The following TTLL8 variants were observed in gnomAD, a reference collection of about 807,000 sequenced individuals.
The protein encoded by TTLL8 is tubulin tyrosine ligase like 8.
A neutral mutation model predicts 77.8 loss-of-function variants in TTLL8; 65 were observed. The ratio of observed to expected loss-of-function variants is 0.84; its 90% CI spans 0.68 to 1.03. The LOEUF (loss-of-function observed/expected upper bound fraction) is 1.03. Ranked by LOEUF, TTLL8 falls within the 50% of genes least tolerant of loss-of-function variation. The pLI is 0.00. For synonymous variants in TTLL8, 402 were observed against 422.8 expected, an observed-to-expected ratio of 0.95 and a Z score of 0.60; for missense variants, 910 against 1,004.5, an observed-to-expected ratio of 0.91 and a Z score of 1.27.
At chr22:50,035,924 T>C (rs1160257728) in intron 8 of TTLL8, among the ~76,000 whole-genome samples, 1 of 152,238 alleles carries the variant, frequency 6.6e-6, no homozygotes, top group Non-Finnish European at 1.5e-5. Flanking sequence ...CCCACAAGTG[T>C]ACGCGCCACT....
rs377269305 is a variant in TTLL8, at chr22:50,031,788, C to T, written c.1605G>A (p.Thr535=). The T allele has an allele frequency of 4.6e-4, 635 of 1,366,614 alleles. 7 individuals carry two copies. In the South Asian group the frequency reaches 6.1e-3, roughly 13 times the overall value. The allele number at this position is 1,366,614 out of a possible 1,614,324, so 84.7% of individuals were successfully genotyped here. A position where few individuals can be genotyped will look rare whatever the true frequency, so the allele number is the denominator to read the frequency against. ...GTGCACACAGCTGGGCCGTGACCGGCGTGGACGGGTGCATGGTGGGGCTGG... is the reference window on the plus strand; with the variant it reads ...GTGCACACAGCTGGGCCGTGACCGGTGTGGACGGGTGCATGGTGGGGCTGG... The change falls in exon 11 of 14, where the codon ACG becomes ACA. Residue 535 remains threonine (T), a synonymous_variant. Coordinates refer to ENST00000266182, the Ensembl canonical transcript of TTLL8.
At chr22:50,021,485 C>CG (rs1569217960) in intron 12 of TTLL8, among the ~76,000 whole-genome samples, 4 of 130,960 alleles carry the variant, frequency 3.1e-5, no homozygotes, top group Non-Finnish European at 6.4e-5. Flanking sequence ...CTCCATCTGA[C>CG]ATGCACTCCT....
At chr22:50,030,950 T>C (rs769589598) in intron 11 of TTLL8, 25 bp from the exon 13 acceptor site, 18 of 1,307,640 alleles carry the variant, frequency 1.4e-5, no homozygotes, top group Non-Finnish European at 1.8e-5. Context: ...CAGGTTGGGG[T>C]GCTGGGCTGT....
intron 12 of TTLL8, among the ~76,000 whole-genome samples, chr22:50,027,031 C>T (rs928239228): frequency 3.3e-5 from 5 of 149,906 alleles, no homozygotes; most frequent in East Asian, 2.0e-4. Flanking sequence ...GTCAGGAGTT[C>T]GAGATTAGCC....
chr22:50,048,115 A>AGTGTGTGTGTGTGTGTGT (rs34500180), intron 3 of TTLL8, among the ~76,000 whole-genome samples: 1 of 145,640 alleles, frequency 6.9e-6, no homozygotes, highest in Non-Finnish European at 1.5e-5. Flanking sequence ...CCCCCAAAAA[A>AGTGTGTGTGTGTGTGTGT]GTGTGTGTGT....
chr22:50,056,359 G>A (rs888989582), upstream of TTLL8, among the ~76,000 whole-genome samples: 20 of 151,934 alleles, frequency 1.3e-4, no homozygotes, highest in African/African-American at 3.4e-4. This position sits in a 1 kb window ranked among gnomAD's most constrained non-coding sequence, Gnocchi z 4.1. Flanking sequence ...CCACACACCC[G>A]AGTGCCTGAA....
intron 12 of TTLL8, among the ~76,000 whole-genome samples, chr22:50,023,684 A>AAAATAAATAAAT (rs56403599): frequency 7.6e-4 from 114 of 149,518 alleles, no homozygotes; most frequent in African/African-American, 2.7e-3. Context: ...ACTCCGTCTC[A>AAAATAAATAAAT]AAATAAATAA....
chr22:50,020,326 C>T (rs974707459), intron 12 of TTLL8, among the ~76,000 whole-genome samples: 26 of 144,796 alleles, frequency 1.8e-4, no homozygotes, highest in Admixed American at 1.0e-3. Context: ...CTCCATCTGA[C>T]GTGCACACCT....
At chr22:50,047,139 C>G (rs1404867669) in intron 4 of TTLL8, 29 bp downstream of exon 6, 2 of 1,365,882 alleles carry the variant, frequency 1.5e-6, no homozygotes, top group Non-Finnish European at 2.0e-6. Flanking sequence ...CTTGCCGGCT[C>G]CCGCCACGCT....
At chr22:50,031,447 TCCGC>T (rs2061291467) in intron 11 of TTLL8, among the ~76,000 whole-genome samples, 1 of 152,100 alleles carries the variant, frequency 6.6e-6, no homozygotes, top group African/African-American at 2.4e-5. Flanking sequence ...GCGGGGCCGC[TCCGC>T]CCGCACGCCT....
chr22:50,028,316 A>T (rs1569220896), intron 12 of TTLL8, among the ~76,000 whole-genome samples: 1 of 152,246 alleles, frequency 6.6e-6, no homozygotes, highest in Non-Finnish European at 1.5e-5. Context: ...TTTGGTCGGC[A>T]ACATTGCTTA....
intron 12 of TTLL8, among the ~76,000 whole-genome samples, chr22:50,025,814 A>G (rs897382522): frequency 6.6e-6 from 1 of 152,214 alleles, no homozygotes; most frequent in African/African-American, 2.4e-5. Flanking sequence ...CACCTGAGAA[A>G]CACGAATTAA....
chr22:50,029,989 A>T (rs1388620395), intron 12 of TTLL8, among the ~76,000 whole-genome samples: 4 of 152,164 alleles, frequency 2.6e-5, no homozygotes, highest in Admixed American at 1.3e-4. Context: ...GTGGTGGCTC[A>T]GGCCTGTCAC....
chr22:50,022,902 T>C (rs1167762721), intron 12 of TTLL8, among the ~76,000 whole-genome samples: 1 of 152,196 alleles, frequency 6.6e-6, no homozygotes. Context: ...AGTGTCCATG[T>C]ACAAAATCAG....
chr22:50,047,183 G>A, exon 4 of TTLL8: 4 of 1,367,514 alleles, frequency 2.9e-6, no homozygotes, highest in Non-Finnish European at 3.9e-6. Flanking sequence ...TGGTGAAGGA[G>A]GCTGTCTTTG....
At position 50,044,504 on chromosome 22, in the gene TTLL8, A is replaced by G. The variant is rs568760379; in HGVS notation, c.643+751T>C. 6.6e-6 allele frequency among the ~76,000 whole-genome samples: 1 copy of G among 152,174 alleles called. No homozygotes were observed. The highest frequency in any genetic ancestry group is 1.5e-5 in the Non-Finnish European group (1 of 68,036). On this transcript the variant is annotated intron_variant, in intron 6 of 13. Coordinates refer to ENST00000266182, the Ensembl canonical transcript of TTLL8. The surrounding 1 kb of genome is among the most constrained non-coding windows in gnomAD (Gnocchi z 4.2). ...TGAAGCCACCGCTCCAGCGTTCACC[A>G]ATCAGGATTTATTTCCTCTGTTTCC...
Position 50,044,682 on chromosome 22 carries a change from C to T in TTLL8, c.643+573G>A, listed in dbSNP as rs534615522. 3.3e-5 allele frequency among the ~76,000 whole-genome samples: 5 copies of T among 152,284 alleles called. No individual in the cohort carries two copies. Among genetic ancestry groups the T allele is most frequent in the South Asian group, 2.1e-4 (1 of 4,824 alleles). On this transcript the variant is annotated intron_variant, in intron 6 of 13. Coordinates refer to ENST00000266182, the Ensembl canonical transcript of TTLL8. This position sits in a 1 kb window ranked among gnomAD's most constrained non-coding sequence, Gnocchi z 4.2. ...GCACTGCTCTGGTGGGGGATGTTGG[C>T]GGTGCAGGAGGCGCGGGGGCAGGAG...
At chr22:50,058,138 C>CG (rs2061496887), upstream of TTLL8, among the ~76,000 whole-genome samples, 1 of 151,842 alleles carries the variant, frequency 6.6e-6, no homozygotes. This position sits in a 1 kb window ranked among gnomAD's most constrained non-coding sequence, Gnocchi z 4.2. Context: ...GTTCCGCGGT[C>CG]GGGGGTCGTG....
chr22:50,045,401 G>A lies in TTLL8; in HGVS notation c.509-12C>T. The stretch of plus-strand genomic sequence containing the variant: ...GCGCCGGAAGTCTTCTGAAAGGACA[G>A]CACAGCCTCGCCCTATCTGTCCGAG... On this transcript the variant is annotated splice_polypyrimidine_tract_variant and intron_variant, in intron 5 of 13. Coordinates refer to ENST00000266182, the Ensembl canonical transcript of TTLL8. 2 of 1,364,244 alleles carry A rather than the reference G, an allele frequency of 1.5e-6. No individual in the cohort carries two copies. Among genetic ancestry groups the A allele is most frequent in the South Asian group, 2.3e-5 (2 of 88,048 alleles). 84.5% of individuals were successfully genotyped at this position (1,364,244 alleles called of 1,614,324 possible). A position where few individuals can be genotyped will look rare whatever the true frequency, so the allele number is the denominator to read the frequency against.
Sources: allele counts gnomAD v4.1 joint callset (sites outside exome capture counted in the v4.1 genomes callset), GRCh38; gene constraint gnomAD v4.1.1; non-coding constraint Gnocchi (gnomAD v3.1); transcripts MANE v1.5; gene names NCBI Gene and HGNC (gene_info 2026-07-23, HGNC 2026-07-21).